KIAA1217: variants seen among roughly 807,000 people sequenced by gnomAD.
KIAA1217 encodes sickle tail protein homolog.
A neutral mutation model predicts 163.9 loss-of-function variants in KIAA1217; 88 were observed. The ratio of observed to expected loss-of-function variants is 0.54; its 90% CI spans 0.45 to 0.64. The LOEUF is 0.64. Ranked by LOEUF, KIAA1217 falls within the 30% of genes least tolerant of loss-of-function variation. The pLI, the probability that KIAA1217 is intolerant of heterozygous loss-of-function variation, is 0.00. For synonymous variants in KIAA1217, 903 were observed against 923.1 expected (o/e 0.98, Z 0.39); for missense variants, 2,372 against 2,475.0 (o/e 0.96, Z 0.88).
intron 2 of KIAA1217, among the ~76,000 whole-genome samples, chr10:24,084,038 T>C (rs1171013810): frequency 2.6e-5 from 4 of 152,188 alleles, no homozygotes; most frequent in Non-Finnish European, 5.9e-5. Context: ...TTGCTCTCCC[T>C]CTGGTCTGGA....
chr10:24,359,665 A>G (rs1324144872), intron 2 of KIAA1217, among the ~76,000 whole-genome samples: 2 of 152,196 alleles, frequency 1.3e-5, no homozygotes, highest in African/African-American at 4.8e-5. Context: ...CCACTATCCT[A>G]TATTCACTAT....
chr10:24,178,498 G>C (rs937427652), intron 2 of KIAA1217, among the ~76,000 whole-genome samples: 1 of 152,168 alleles, frequency 6.6e-6, no homozygotes, highest in African/African-American at 2.4e-5. Flanking sequence ...CTTTTCCTTT[G>C]TAACTTCCTG....
At position 24,476,280 on chromosome 10, in the gene KIAA1217, G is replaced by T. The variant is rs531924324; in HGVS notation, c.1679+2220G>T. 2.6e-4 allele frequency among the ~76,000 whole-genome samples: 39 copies of T among 152,216 alleles called. No homozygotes were observed. The South Asian group carries it at 8.1e-3, about 32-fold the overall frequency. ...ATCCTTGAGCCTCACTTTTCAAGAC[G>T]TTTAGTTATGGAGAGAATAAAACAA... On this transcript the variant is annotated intron_variant, in intron 6 of 20. Coordinates refer to ENST00000376454, the MANE Select transcript of KIAA1217 (RefSeq NM_019590.5).
intron 19 of KIAA1217, among the ~76,000 whole-genome samples, 167 bp from the exon 20 acceptor site, chr10:24,544,814 C>T (rs1030291976): frequency 2.6e-5 from 4 of 152,208 alleles, no homozygotes; most frequent in African/African-American, 7.2e-5. Context: ...GCAGTTGATT[C>T]TGTTTGATTC....
At chr10:24,143,926 G>A (rs1156544175) in intron 2 of KIAA1217, among the ~76,000 whole-genome samples, 1 of 152,140 alleles carries the variant, frequency 6.6e-6, no homozygotes, top group African/African-American at 2.4e-5. Flanking sequence ...AGAGTTATGG[G>A]CATGGCAGAC....
chr10:24,079,091 C>T (rs146410105), intron 2 of KIAA1217, among the ~76,000 whole-genome samples: 26 of 152,270 alleles, frequency 1.7e-4, no homozygotes, highest in African/African-American at 5.8e-4. Context: ...TCAAACCTGA[C>T]GATACAGGAG....
At chr10:23,998,667 C>T (rs573340450) in intron 1 of KIAA1217, among the ~76,000 whole-genome samples, 1 of 152,196 alleles carries the variant, frequency 6.6e-6, no homozygotes, top group Non-Finnish European at 1.5e-5. Context: ...TTCTGAATTT[C>T]ATTCTGAACA....
chr10:23,743,242 G>GAAA (rs11446205), intron 1 of KIAA1217, among the ~76,000 whole-genome samples: 1 of 144,646 alleles, frequency 6.9e-6, no homozygotes, highest in Non-Finnish European at 1.5e-5. Context: ...GATGAACTTT[G>GAAA]AAAAAAAAAA....
chr10:24,530,210 C>T (rs2072915641), intron 14 of KIAA1217, among the ~76,000 whole-genome samples: 1 of 152,166 alleles, frequency 6.6e-6, no homozygotes, highest in African/African-American at 2.4e-5. Context: ...GATTGAACAA[C>T]AAAAACATAT....
chr10:23,978,437 C>G (rs891789936), intron 1 of KIAA1217, among the ~76,000 whole-genome samples: 10 of 152,142 alleles, frequency 6.6e-5, no homozygotes, highest in Non-Finnish European at 1.3e-4. Context: ...CTGATACTGG[C>G]TTGAAGTTAT....
At chr10:24,290,672 C>T (rs371863518) in intron 2 of KIAA1217, among the ~76,000 whole-genome samples, 4 of 148,220 alleles carry the variant, frequency 2.7e-5, no homozygotes, top group East Asian at 2.0e-4. Context: ...GGTGTGATCT[C>T]GGCTCACTGC....
chr10:24,268,681 C>T (rs2076473716), intron 2 of KIAA1217, among the ~76,000 whole-genome samples: 1 of 86,496 alleles, frequency 1.2e-5, no homozygotes, highest in East Asian at 3.1e-4. Flanking sequence ...ACTAGAAATA[C>T]CATTTGACCC....
intron 2 of KIAA1217, among the ~76,000 whole-genome samples, chr10:24,196,521 G>A (rs2066997146): frequency 6.6e-6 from 1 of 152,206 alleles, no homozygotes; most frequent in East Asian, 1.9e-4. Context: ...TGATTAGGGA[G>A]AAGAAATCCA....
At chr10:24,344,250 G>A (rs924681044) in intron 2 of KIAA1217, among the ~76,000 whole-genome samples, 6 of 152,146 alleles carry the variant, frequency 3.9e-5, no homozygotes, top group Non-Finnish European at 8.8e-5. Flanking sequence ...TGTCTTATCT[G>A]GAAATCTCAC....
chr10:23,803,427 C>G (rs1254014192), intron 1 of KIAA1217, among the ~76,000 whole-genome samples: 1 of 152,192 alleles, frequency 6.6e-6, no homozygotes, highest in African/African-American at 2.4e-5. Flanking sequence ...GTGCCAGGGC[C>G]CAGTCCCCAT....
intron 1 of KIAA1217, among the ~76,000 whole-genome samples, chr10:23,993,265 C>G (rs1846303026): frequency 6.6e-6 from 1 of 151,962 alleles, no homozygotes; most frequent in South Asian, 2.1e-4. Flanking sequence ...CTCCTGACCT[C>G]AAGTGATCCA....
intron 2 of KIAA1217, among the ~76,000 whole-genome samples, chr10:24,029,898 T>G (rs1369010767): frequency 6.6e-6 from 1 of 151,984 alleles, no homozygotes; most frequent in Non-Finnish European, 1.5e-5. Flanking sequence ...CAAGGGAACA[T>G]GGTGGATCTG....
intron 1 of KIAA1217, among the ~76,000 whole-genome samples, chr10:23,924,429 A>C (rs1216279715): frequency 6.6e-6 from 1 of 152,224 alleles, no homozygotes; most frequent in Non-Finnish European, 1.5e-5. Flanking sequence ...AAGAAAATGT[A>C]GGATTTTTAA....
chr10:23,734,299 TTA>T (rs1838659048), intron 1 of KIAA1217, among the ~76,000 whole-genome samples: 1 of 142,914 alleles, frequency 7.0e-6, no homozygotes. Context: ...TTTTTTTTTT[TTA>T]AATAAGACAG....
Sources: gnomAD v4.1 joint callset for allele counts (sites outside exome capture counted in the v4.1 genomes callset) on GRCh38, gnomAD v4.1.1 for gene constraint, MANE v1.5 for transcripts, NCBI Gene and HGNC (gene_info 2026-07-23, HGNC 2026-07-21) for gene names.